Variants in CTTNBP2 observed in about 807,000 individuals in gnomAD.
CTTNBP2 encodes the protein cortactin-binding protein 2.
A neutral mutation model predicts 156.9 loss-of-function variants in CTTNBP2; 108 were observed. That is an observed-to-expected ratio of 0.69 (90% CI 0.59 to 0.81). CTTNBP2 has a LOEUF of 0.81. CTTNBP2 is among the 30% of genes least tolerant of loss of function. CTTNBP2 has a pLI of 0.00. For missense variants in CTTNBP2, 1,924 were observed against 2,035.4 expected, an observed-to-expected ratio of 0.95 and a Z score of 1.05; for synonymous variants, 767 against 751.8, an observed-to-expected ratio of 1.02 and a Z score of -0.33.
rs560290699 is a variant in CTTNBP2 at position 117,780,495 on chromosome 7, T to A, written c.2469A>T (p.Lys823Asn). Residue 823 changes from lysine (K) to asparagine (N), a missense_variant, in exon 7 of 23, where the codon AAA (lysine) becomes AAT (asparagine). Transcript: ENST00000160373. ...PLYLACKNGN[K>N]ECIKLLLEAG... ...CTTCCAACAAGAGTTTAATACATTC[T>A]TTATTTCCATTTTTACAGGCCAGGT... 3.9e-5 allele frequency: 63 copies of A among 1,602,548 alleles called. 3 individuals are homozygous for A. In the South Asian group the frequency reaches 6.8e-4, roughly 17 times the overall value.
intron 2 of CTTNBP2, among the ~76,000 whole-genome samples, chr7:117,813,484 T>C (rs1169670726): frequency 6.6e-6 from 1 of 152,164 alleles, no homozygotes; most frequent in Non-Finnish European, 1.5e-5. Flanking sequence ...TTTTGACAAC[T>C]GAGGTCCCAT....
intron 12 of CTTNBP2, among the ~76,000 whole-genome samples, chr7:117,747,982 G>A (rs938014392): frequency 5.9e-5 from 9 of 152,022 alleles, no homozygotes; most frequent in East Asian, 3.9e-4. Flanking sequence ...GTAGCCTCCC[G>A]TAATATTCTC....
chr7:117,785,834 G>T (rs1404258685), intron 4 of CTTNBP2, among the ~76,000 whole-genome samples: 1 of 152,160 alleles, frequency 6.6e-6, no homozygotes, highest in Non-Finnish European at 1.5e-5. Context: ...CATGTGTGTG[G>T]CATGATGAGA....
intron 2 of CTTNBP2, among the ~76,000 whole-genome samples, chr7:117,827,380 T>C (rs1801347066): frequency 6.6e-6 from 1 of 152,234 alleles, no homozygotes; most frequent in Non-Finnish European, 1.5e-5. Flanking sequence ...CCCCCACTTG[T>C]ATGTTGTTCT....
At chr7:117,829,585 T>C (rs1335493530) in intron 2 of CTTNBP2, among the ~76,000 whole-genome samples, 1 of 152,164 alleles carries the variant, frequency 6.6e-6, no homozygotes, top group Non-Finnish European at 1.5e-5. Flanking sequence ...GCTCTAGGAA[T>C]GAGGGATCCA....
At chr7:117,832,936 T>C (rs965427670) in intron 2 of CTTNBP2, among the ~76,000 whole-genome samples, 1 of 151,570 alleles carries the variant, frequency 6.6e-6, no homozygotes, top group Non-Finnish European at 1.5e-5. Context: ...TTTGTACTTT[T>C]AGTAGAGACA....
chr7:117,796,903 C>A (rs909178576), intron 3 of CTTNBP2, among the ~76,000 whole-genome samples: 1 of 152,160 alleles, frequency 6.6e-6, no homozygotes, highest in African/African-American at 2.4e-5. Flanking sequence ...TAGACTAATT[C>A]TCCTGCAGAT....
At chr7:117,848,181 A>G in intron 2 of CTTNBP2, among the ~76,000 whole-genome samples, 1 of 152,148 alleles carries the variant, frequency 6.6e-6, no homozygotes, top group Non-Finnish European at 1.5e-5. Flanking sequence ...TTAAATAAGG[A>G]ACATTAGCAA....
At chr7:117,825,321 G>T (rs565164146) in intron 2 of CTTNBP2, among the ~76,000 whole-genome samples, 19 of 152,314 alleles carry the variant, frequency 1.2e-4, no homozygotes, top group African/African-American at 4.6e-4. Flanking sequence ...CCAGCTCTCT[G>T]GTTGTTGCTT....
At chr7:117,821,880 G>A (rs1040130730) in intron 2 of CTTNBP2, among the ~76,000 whole-genome samples, 6 of 152,062 alleles carry the variant, frequency 3.9e-5, no homozygotes, top group Admixed American at 6.6e-5. Context: ...GTGAGCCACC[G>A]CGCCTGGCCT....
At chr7:117,829,604 C>G (rs954538139) in intron 2 of CTTNBP2, among the ~76,000 whole-genome samples, 1 of 152,186 alleles carries the variant, frequency 6.6e-6, no homozygotes, top group South Asian at 2.1e-4. Flanking sequence ...CACATATGCT[C>G]ACGCCCTATT....
chr7:117,767,054 C>T lies in CTTNBP2; in HGVS notation c.2896+5G>A, dbSNP rs866570103. 2 of 1,445,236 alleles carry T rather than the reference C, an allele frequency of 1.4e-6. No homozygotes were observed. Among genetic ancestry groups the T allele is most frequent in the Middle Eastern group, 1.7e-4 (1 of 5,738 alleles). 89.5% of individuals were successfully genotyped at this position (1,445,236 alleles called of 1,614,324 possible). ...GATAAACAATAAGCTCTGAACATCA[C>T]TCACTCAGATTCTCCAGCAAATGCT... On this transcript the variant is annotated splice_donor_5th_base_variant and intron_variant, in intron 9 of 22. Coordinates refer to ENST00000160373, the MANE Select transcript of CTTNBP2 (RefSeq NM_033427.3).
chr7:117,724,618 T>A lies in CTTNBP2; in HGVS notation c.4376A>T (p.Asn1459Ile). Residue 1459 changes from asparagine to isoleucine, a missense_variant, in exon 19 of 23, where the codon AAC (asparagine) becomes ATC (isoleucine). Transcript: ENST00000160373. ...KGESGAWRKVNTSPRRKSGRF... is the reference protein window; with the variant it reads ...KGESGAWRKVITSPRRKSGRF... ...GCCAGACTTCCTGCGAGGACTGGTGTTCACCTTTCTCCAGGCACCACTCTC... is the reference window on the plus strand; with the variant it reads ...GCCAGACTTCCTGCGAGGACTGGTGATCACCTTTCTCCAGGCACCACTCTC... The A allele has an allele frequency of 6.2e-7, 1 of 1,614,170 alleles. No individual in the cohort carries two copies. Among genetic ancestry groups the A allele is most frequent in the Non-Finnish European group, 8.5e-7 (1 of 1,180,024 alleles).
chr7:117,801,149 T>TA (rs1158903428), intron 3 of CTTNBP2, among the ~76,000 whole-genome samples: 1 of 152,026 alleles, frequency 6.6e-6, no homozygotes, highest in Non-Finnish European at 1.5e-5. Flanking sequence ...GAATGCCACA[T>TA]AAAAAATGCA....
intron 3 of CTTNBP2, among the ~76,000 whole-genome samples, chr7:117,807,839 G>A (rs1800039786): frequency 6.6e-6 from 1 of 152,158 alleles, no homozygotes; most frequent in African/African-American, 2.4e-5. Flanking sequence ...ATGCTGGCTG[G>A]GAAGAGCTAG....
chr7:117,770,971 C>T (rs1423714467), intron 8 of CTTNBP2, among the ~76,000 whole-genome samples: 1 of 152,156 alleles, frequency 6.6e-6, no homozygotes. Context: ...ATAACAGAGA[C>T]CTTTTAAAGA....
intron 2 of CTTNBP2, among the ~76,000 whole-genome samples, chr7:117,844,206 G>A (rs1041573678): frequency 3.3e-5 from 5 of 152,090 alleles, no homozygotes; most frequent in African/African-American, 1.2e-4. Context: ...ATCCTCCCAT[G>A]GAACCTCCAG....
intron 2 of CTTNBP2, among the ~76,000 whole-genome samples, chr7:117,837,675 T>C: frequency 6.6e-6 from 1 of 152,312 alleles, no homozygotes; most frequent in African/African-American, 2.4e-5. Context: ...TAATTTTATA[T>C]CATATTTTTA....
intron 16 of CTTNBP2, among the ~76,000 whole-genome samples, chr7:117,730,345 T>C (rs1795335851): frequency 6.6e-6 from 1 of 152,216 alleles, no homozygotes; most frequent in Admixed American, 6.5e-5. Context: ...CGAGTTTCTA[T>C]AGTGGTACCT....
Sources: gnomAD v4.1 joint callset for allele counts (sites outside exome capture counted in the v4.1 genomes callset) on GRCh38, gnomAD v4.1.1 for gene constraint, MANE v1.5 for transcripts, NCBI Gene and HGNC (gene_info 2026-07-23, HGNC 2026-07-21) for gene names.